The following INTU variants were observed in gnomAD, a reference collection of about 807,000 sequenced individuals.
INTU encodes the protein protein inturned.
Under a neutral mutation model 100.5 loss-of-function variants are expected in INTU, and 68 were observed. The observed-to-expected ratio is 0.68, with a 90% CI of 0.56 to 0.83. INTU has a LOEUF of 0.83. Ranked by LOEUF, INTU falls within the 40% of genes least tolerant of loss-of-function variation. The pLI is 0.00. For missense variants in INTU, 1,071 were observed against 1,114.7 expected (o/e 0.96, Z 0.56); for synonymous variants, 357 against 395.7 (o/e 0.90, Z 1.16).
At chr4:127,666,906 T>TTGC (rs1215496040) in intron 4 of INTU, among the ~76,000 whole-genome samples, 2 of 152,184 alleles carry the variant, frequency 1.3e-5, no homozygotes, top group Admixed American at 6.5e-5. Flanking sequence ...TTTCCTTGTG[T>TTGC]TGCTTCATAT....
chr4:127,633,562 T>C (rs1258378361), intron 1 of INTU, among the ~76,000 whole-genome samples: 1 of 152,142 alleles, frequency 6.6e-6, no homozygotes, highest in Non-Finnish European at 1.5e-5. Flanking sequence ...ATCTCTTTAG[T>C]ATTTGGAGTG....
In INTU at chr4:127,710,994, T is replaced by G; in HGVS notation, c.2451T>G (p.Leu817=). ...TVQGIFITPT[L]EEVAQLSGSI... The stretch of plus-strand genomic sequence containing the variant: ...AAGGAATCTTTATTACTCCTACCCT[T>G]GAAGAGGTGGCACAGCTAAGTGGCT... The change falls in exon 14 of 16, where the codon CTT becomes CTG. Residue 817 remains leucine (L), a synonymous_variant. Transcript: ENST00000335251. 1 of 1,607,308 alleles carries G rather than the reference T, an allele frequency of 6.2e-7. No homozygotes were observed. The highest frequency in any genetic ancestry group is 8.5e-7 in the Non-Finnish European group (1 of 1,175,402).
rs942630804 is a variant in INTU at position 127,706,653 on chromosome 4, C to G, written c.1955C>G (p.Pro652Arg). 5.0e-6 allele frequency: 8 copies of G among 1,613,906 alleles called. No homozygotes were observed. The Admixed American group carries it at 5.0e-5, about 10-fold the overall frequency. Reference protein sequence around the residue: ...IDERLASSPVPCLSCADWFLT... With the variant: ...IDERLASSPVRCLSCADWFLT... ...GAACGGCTAGCATCTTCTCCAGTCC[C>G]CTGTTTGTCTTGTGCTGACTGGTTC... The change falls in exon 12 of 16, where the codon CCC (proline) becomes CGC (arginine). Residue 652 changes from proline to arginine, a missense_variant. Transcript: ENST00000335251.
chr4:127,662,972 C>T (rs776221236), intron 3 of INTU, among the ~76,000 whole-genome samples: 1 of 152,160 alleles, frequency 6.6e-6, no homozygotes, highest in African/African-American at 2.4e-5. Flanking sequence ...TGCTGAATGT[C>T]TTCCTTCTAT....
chr4:127,651,187 T>C (rs1380985296), intron 2 of INTU, among the ~76,000 whole-genome samples: 1 of 152,056 alleles, frequency 6.6e-6, no homozygotes, highest in East Asian at 1.9e-4. Flanking sequence ...ACTCTGATGG[T>C]AGTTTCTTTT....
At chr4:127,655,051 C>G (rs557063787) in intron 2 of INTU, among the ~76,000 whole-genome samples, 8 of 152,076 alleles carry the variant, frequency 5.3e-5, no homozygotes, top group African/African-American at 1.9e-4. Context: ...ACGTAGTTCT[C>G]GAGCCTTGGT....
At chr4:127,672,202 G>A (rs753528351) in intron 5 of INTU, among the ~76,000 whole-genome samples, 2 of 152,038 alleles carry the variant, frequency 1.3e-5, no homozygotes, top group South Asian at 2.1e-4. Flanking sequence ...ACAGATATGC[G>A]CAACCCTCAT....
chr4:127,687,815 T>A lies in INTU; in HGVS notation c.1397T>A (p.Leu466His), dbSNP rs2126232019. 6.2e-7 allele frequency: 1 copy of A among 1,606,222 alleles called. No homozygotes were observed. Among genetic ancestry groups the A allele is most frequent in the Admixed American group, 1.7e-5 (1 of 59,660 alleles). Residue 466 changes from leucine (L) to histidine (H), a missense_variant, in exon 8 of 16, where the codon CTT (leucine) becomes CAT (histidine). Transcript: ENST00000335251. ...CAGTACGATGCTTCCAGTGCAGTACTTTTAGACAACCTCCCTGGAGTCCGG... is the reference window on the plus strand; with the variant it reads ...CAGTACGATGCTTCCAGTGCAGTACATTTAGACAACCTCCCTGGAGTCCGG... ...AQQYDASSAV[L>H]LDNLPGVRWL... is the part of the protein sequence containing the mutation.
intron 8 of INTU, among the ~76,000 whole-genome samples, chr4:127,694,514 C>G (rs946459854): frequency 2.6e-4 from 40 of 151,914 alleles, no homozygotes; most frequent in South Asian, 1.5e-3. Flanking sequence ...TTTCAAAGAA[C>G]CGGATTAGTT....
intron 2 of INTU, among the ~76,000 whole-genome samples, chr4:127,645,093 G>A (rs1727514358): frequency 2.0e-5 from 3 of 152,188 alleles, no homozygotes; most frequent in Admixed American, 2.0e-4. Flanking sequence ...AATCTTGTAA[G>A]AAGGGCATCT....
At chr4:127,639,144 A>G (rs1327864575) in intron 1 of INTU, among the ~76,000 whole-genome samples, 2 of 152,172 alleles carry the variant, frequency 1.3e-5, no homozygotes, top group Admixed American at 6.6e-5. Context: ...TCTGTTAACT[A>G]AACTCCAAAC....
chr4:127,658,206 A>C (rs1317114633), intron 3 of INTU, among the ~76,000 whole-genome samples: 2 of 152,258 alleles, frequency 1.3e-5, no homozygotes, highest in Non-Finnish European at 2.9e-5. Flanking sequence ...ATGTGTGCGC[A>C]TGCACACACA....
At chr4:127,678,037 G>A (rs1476314374) in intron 6 of INTU, among the ~76,000 whole-genome samples, 2 of 152,106 alleles carry the variant, frequency 1.3e-5, no homozygotes, top group Admixed American at 6.6e-5. Context: ...GAAGCAAGAA[G>A]GGAAGTTTAG....
chr4:127,646,643 C>G (rs563348416), intron 2 of INTU, among the ~76,000 whole-genome samples: 322 of 152,274 alleles, frequency 2.1e-3, no homozygotes, highest in Non-Finnish European at 3.7e-3. Flanking sequence ...CCTCTGGTAA[C>G]CTTGACATAT....
intron 5 of INTU, among the ~76,000 whole-genome samples, chr4:127,670,927 T>A (rs1216469720): frequency 6.6e-6 from 1 of 152,036 alleles, no homozygotes; most frequent in Non-Finnish European, 1.5e-5. Flanking sequence ...AGAATGAAAC[T>A]GAACCCATCT....
chr4:127,697,896 A>C (rs1730464984), intron 8 of INTU, among the ~76,000 whole-genome samples: 2 of 152,140 alleles, frequency 1.3e-5, no homozygotes, highest in South Asian at 4.1e-4. Context: ...TGAGGTGGAC[A>C]GATCATCTGA....
At chr4:127,654,320 A>G (rs1728068241) in intron 2 of INTU, among the ~76,000 whole-genome samples, 1 of 152,142 alleles carries the variant, frequency 6.6e-6, no homozygotes, top group Non-Finnish European at 1.5e-5. Flanking sequence ...CGTAGTCTCA[A>G]TGGTCTTTAC....
intron 8 of INTU, among the ~76,000 whole-genome samples, chr4:127,697,220 C>T (rs1388142263): frequency 6.6e-5 from 10 of 152,112 alleles, no homozygotes; most frequent in Non-Finnish European, 7.4e-5. Flanking sequence ...TAACCATCGC[C>T]GCAATCAATT....
chr4:127,681,073 C>CTA (rs1189405393), intron 6 of INTU, among the ~76,000 whole-genome samples: 2 of 152,044 alleles, frequency 1.3e-5, no homozygotes, highest in Non-Finnish European at 2.9e-5. Context: ...TCAAGGAGAA[C>CTA]TACAAACCAC....
Sources: allele counts gnomAD v4.1 joint callset (sites outside exome capture counted in the v4.1 genomes callset), GRCh38; gene constraint gnomAD v4.1.1; transcripts MANE v1.5; gene names NCBI Gene and HGNC (gene_info 2026-07-23, HGNC 2026-07-21).